Variants in CCDC63 observed in about 807,000 individuals in gnomAD.
CCDC63 encodes coiled-coil domain-containing protein 63.
CCDC63 carries 54 observed loss-of-function variants against 63.6 expected under a neutral mutation model. That is an observed-to-expected ratio of 0.85 (90% confidence interval 0.68 to 1.07). The LOEUF is 1.07. Among genes scored for constraint, CCDC63 ranks in the 50% least tolerant of loss-of-function variants. CCDC63 has a pLI of 0.00. For synonymous variants in CCDC63, 253 were observed against 266.1 expected, an observed-to-expected ratio of 0.95 and a Z score of 0.48; for missense variants, 637 against 689.6, an observed-to-expected ratio of 0.92 and a Z score of 0.86.
At position 110,884,234 on chromosome 12, in the gene CCDC63, G is replaced by A; in HGVS notation, c.1058G>A (p.Arg353Lys). ...AACGACATGGAGATGATGCACAAGA[G>A]GACCCAACGAATCCAGGTCAGGGCG... ...LNNDMEMMHKRTQRIQDEIIL... is the reference protein window; with the variant it reads ...LNNDMEMMHKKTQRIQDEIIL... Residue 353 changes from arginine to lysine, a missense_variant, in exon 8 of 12, where the codon AGG (arginine) becomes AAG (lysine). Transcript: ENST00000308208. 6.2e-7 allele frequency: 1 copy of A among 1,614,072 alleles called. No homozygotes were observed. Among genetic ancestry groups the A allele is most frequent in the Non-Finnish European group, 8.5e-7 (1 of 1,179,998 alleles).
rs567380208 is a variant in CCDC63, at chr12:110,884,255, G to T, written c.1074+5G>T. The T allele has an allele frequency of 1.9e-6, 3 of 1,612,924 alleles. No homozygotes were observed. In the South Asian group the frequency reaches 3.3e-5, roughly 18 times the overall value. On this transcript the variant is annotated splice_donor_5th_base_variant and intron_variant, in intron 8 of 11. Coordinates refer to ENST00000308208, the MANE Select transcript of CCDC63 (RefSeq NM_152591.3). ...AAGAGGACCCAACGAATCCAGGTCA[G>T]GGCGGCTCTGCTTTCCCAGGCCCTG...
At chr12:110,845,080 G>A (rs1366899679), upstream of CCDC63, among the ~76,000 whole-genome samples, 2 of 152,208 alleles carry the variant, frequency 1.3e-5, no homozygotes, top group Non-Finnish European at 2.9e-5. Context: ...CCCTTTAGCA[G>A]AATCGATTCT....
intron 6 of CCDC63, 54 bp downstream of exon 6, chr12:110,880,141 A>T: frequency 6.6e-7 from 1 of 1,516,228 alleles, no homozygotes; most frequent in South Asian, 1.2e-5. Context: ...CTTGCTGAGC[A>T]TCTAGCTTCC....
intron 7 of CCDC63, among the ~76,000 whole-genome samples, chr12:110,882,910 A>C (rs1210369144): frequency 8.6e-5 from 13 of 152,036 alleles, no homozygotes; most frequent in Admixed American, 8.5e-4. Context: ...CCCAGGCTGG[A>C]GTGCAGTGGT....
At chr12:110,895,179 T>A (rs1465335395) in intron 9 of CCDC63, among the ~76,000 whole-genome samples, 1 of 152,176 alleles carries the variant, frequency 6.6e-6, no homozygotes, top group African/African-American at 2.4e-5. Flanking sequence ...AGTGGCACGA[T>A]CTCGGTTCAC....
At chr12:110,896,419 G>A (rs2136733610) in intron 9 of CCDC63, among the ~76,000 whole-genome samples, 1 of 152,312 alleles carries the variant, frequency 6.6e-6, no homozygotes, top group Admixed American at 6.5e-5. Flanking sequence ...TTGAGAGACT[G>A]AGCTCAATTC....
At chr12:110,868,920 T>C (rs1358429215) in intron 4 of CCDC63, among the ~76,000 whole-genome samples, 1 of 152,176 alleles carries the variant, frequency 6.6e-6, no homozygotes. Context: ...ATCTCTGCCA[T>C]CCTGTCATGT....
chr12:110,865,986 T>C (rs1313059314), intron 4 of CCDC63, among the ~76,000 whole-genome samples: 2 of 152,200 alleles, frequency 1.3e-5, no homozygotes, highest in Non-Finnish European at 2.9e-5. Context: ...TTTTCTTTTT[T>C]TGTATATGTG....
At chr12:110,859,166 A>G (rs1202913221) in intron 4 of CCDC63, among the ~76,000 whole-genome samples, 1 of 152,192 alleles carries the variant, frequency 6.6e-6, no homozygotes, top group Non-Finnish European at 1.5e-5. Flanking sequence ...TGGGTTGGCT[A>G]AGAGCCCTTA....
intron 1 of CCDC63, among the ~76,000 whole-genome samples, chr12:110,850,729 G>A (rs1429045402): frequency 2.6e-5 from 4 of 152,248 alleles, no homozygotes; most frequent in Admixed American, 1.3e-4. Context: ...CAACAAGAGC[G>A]AAATTCTGTC....
intron 3 of CCDC63, among the ~76,000 whole-genome samples, chr12:110,854,380 C>T (rs745439187): frequency 3.9e-4 from 58 of 147,904 alleles, no homozygotes; most frequent in Non-Finnish European, 7.6e-4. Flanking sequence ...CTGCAACCTC[C>T]GCCTCCCGGG....
In CCDC63 at chr12:110,864,473, C is replaced by T. The variant is rs371343764; in HGVS notation, c.369+5698C>T. Among the ~76,000 whole-genome samples, 4 of 151,122 alleles carry T rather than the reference C, an allele frequency of 2.6e-5. No homozygotes were observed. The South Asian group carries it at 8.4e-4, about 32-fold the overall frequency. ...GCGCCGTGACTCATGCCTGTAATCC[C>T]AGCACTTTGGGAGGCTGCGGTGGGA... is the stretch of plus-strand genomic sequence containing the variant. On this transcript the variant is annotated intron_variant, in intron 4 of 11. Transcript: ENST00000308208.
intron 4 of CCDC63, among the ~76,000 whole-genome samples, chr12:110,867,886 C>T (rs1409187463): frequency 6.6e-6 from 1 of 151,498 alleles, no homozygotes. Context: ...ACGCTCCTCA[C>T]TTCCCAGATG....
chr12:110,854,211 A>G (rs1016196536), intron 3 of CCDC63, among the ~76,000 whole-genome samples: 1 of 150,730 alleles, frequency 6.6e-6, no homozygotes, highest in African/African-American at 2.4e-5. Flanking sequence ...GCAAGATAGA[A>G]TATTTGAAAT....
intron 10 of CCDC63, among the ~76,000 whole-genome samples, chr12:110,901,793 A>G (rs979500240): frequency 6.6e-6 from 1 of 151,960 alleles, no homozygotes; most frequent in East Asian, 1.9e-4. Context: ...CATCATGTAT[A>G]TGTACCACAT....
chr12:110,891,820 T>G (rs963326796), intron 8 of CCDC63, among the ~76,000 whole-genome samples: 1 of 152,098 alleles, frequency 6.6e-6, no homozygotes, highest in Non-Finnish European at 1.5e-5. Context: ...AGTAGACATT[T>G]GATTGTCCCC....
chr12:110,848,988 A>G (rs2070672877), intron 1 of CCDC63, among the ~76,000 whole-genome samples: 1 of 152,126 alleles, frequency 6.6e-6, no homozygotes, highest in African/African-American at 2.4e-5. Flanking sequence ...TTCTACTCCT[A>G]CCTGGAGGAC....
chr12:110,892,887 TTTAC>T (rs2071374526), intron 8 of CCDC63, among the ~76,000 whole-genome samples, 185 bp from the exon 9 acceptor site: 1 of 151,670 alleles, frequency 6.6e-6, no homozygotes, highest in African/African-American at 2.4e-5. Flanking sequence ...TCACCCTCCT[TTTAC>T]TTAAGAAACA....
In CCDC63 at chr12:110,889,881, A is replaced by G. The variant is rs2071334421; in HGVS notation, c.1075-3195A>G. 6.6e-6 allele frequency among the ~76,000 whole-genome samples: 1 copy of G among 152,090 alleles called. No individual in the cohort carries two copies. Among genetic ancestry groups the G allele is most frequent in the Admixed American group, 6.6e-5 (1 of 15,258 alleles). On this transcript the variant is annotated intron_variant, in intron 8 of 11. Transcript: ENST00000308208. The surrounding 1 kb of genome is among the most constrained non-coding windows in gnomAD (Gnocchi z 4.1). ...TCCTTTCTTTTTTCCTTTTTCCAAA[A>G]TCATATATTTTTTTCCGATTAGAAT... is the stretch of plus-strand genomic sequence containing the variant.
Sources: gnomAD v4.1 joint callset for allele counts (sites outside exome capture counted in the v4.1 genomes callset) on GRCh38, gnomAD v4.1.1 for gene constraint, Gnocchi (gnomAD v3.1) non-coding constraint, MANE v1.5 for transcripts, NCBI Gene and HGNC (gene_info 2026-07-23, HGNC 2026-07-21) for gene names.